IPO11: variants seen among roughly 807,000 people sequenced by gnomAD.
IPO11 encodes the protein importin-11.
Under a neutral mutation model 143.2 loss-of-function variants are expected in IPO11, and 66 were observed. That is an observed-to-expected ratio of 0.46 (90% CI 0.38 to 0.57). The LOEUF is 0.57. Ranked by LOEUF, IPO11 falls within the 20% of genes least tolerant of loss-of-function variation. The probability of loss-of-function intolerance (pLI) is 0.00; values close to 1 mark genes in which losing one functional copy is unlikely to be tolerated. For synonymous variants in IPO11, 385 were observed against 377.8 expected (o/e 1.02, Z -0.22); for missense variants, 1,026 against 1,141.0 (o/e 0.90, Z 1.45).
At chr5:62,613,702 T>C (rs1213953869) in intron 29 of IPO11, among the ~76,000 whole-genome samples, 1 of 152,116 alleles carries the variant, frequency 6.6e-6, no homozygotes, top group Non-Finnish European at 1.5e-5. Flanking sequence ...GCTGATAGTT[T>C]ATGATTTCCC....
At chr5:62,479,043 T>C (rs1746077832) in intron 9 of IPO11, among the ~76,000 whole-genome samples, 1 of 152,164 alleles carries the variant, frequency 6.6e-6, no homozygotes, top group South Asian at 2.1e-4. Flanking sequence ...CCAATTAACT[T>C]GTTATTTGCA....
chr5:62,449,929 C>G lies in IPO11; in HGVS notation c.242C>G (p.Ala81Gly), dbSNP rs371179319. ...DRYWRRVAPHALSEEEKTTLR... is the reference protein window; with the variant it reads ...DRYWRRVAPHGLSEEEKTTLR... ...TCAATACTTTTTTTTTTTTACAGTG[C>G]TCTCTCAGAGGAGGAGAAAACTACT... Residue 81 changes from alanine (A) to glycine (G), a missense_variant and splice_region_variant, in exon 4 of 30, where the codon GCT becomes GGT. Transcript: ENST00000325324. The G allele has an allele frequency of 1.3e-6, 2 of 1,550,848 alleles. No individual in the cohort carries two copies. Among genetic ancestry groups the G allele is most frequent in the Admixed American group, 2.0e-5 (1 of 50,732 alleles).
At chr5:62,477,556 C>T (rs947535246) in intron 9 of IPO11, among the ~76,000 whole-genome samples, 2 of 152,058 alleles carry the variant, frequency 1.3e-5, no homozygotes, top group African/African-American at 4.8e-5. Flanking sequence ...ACCTAATCTT[C>T]CAAGATACAT....
rs1580256037 is a variant in IPO11, at chr5:62,503,350, ATTAATATATTAATAGTAT to A, written c.1591-1316_1591-1299del. On this transcript the variant is annotated intron_variant, in intron 16 of 29. Transcript: ENST00000325324. ...ATCTACTAATATATTAATAGTATCT[ATTAATATATTAATAGTAT>A]CTACTAATATATTAATAGTATCTAT... is the stretch of plus-strand genomic sequence containing the variant. Among the ~76,000 whole-genome samples the A allele has an allele frequency of 6.3e-4, 83 of 131,884 alleles. 1 individual carries two copies. The highest frequency in any genetic ancestry group is 2.7e-3 in the East Asian group (11 of 4,054). 86.5% of individuals were successfully genotyped at this position (131,884 alleles called of 152,430 possible).
intron 19 of IPO11, among the ~76,000 whole-genome samples, chr5:62,511,058 A>G (rs565371287): frequency 9.2e-5 from 14 of 152,082 alleles, no homozygotes; most frequent in Non-Finnish European, 1.5e-4. Context: ...TTGAAATACT[A>G]TTTTTATAGC....
intron 28 of IPO11, among the ~76,000 whole-genome samples, chr5:62,598,973 C>T (rs1227079785): frequency 1.3e-5 from 2 of 152,072 alleles, no homozygotes; most frequent in Non-Finnish European, 2.9e-5. Context: ...GTGGTTTGCC[C>T]TAACATAGAA....
intron 3 of IPO11, among the ~76,000 whole-genome samples, chr5:62,449,312 G>T (rs776677486): frequency 1.3e-5 from 2 of 152,046 alleles, no homozygotes; most frequent in Non-Finnish European, 2.9e-5. Flanking sequence ...TTTCTCATAC[G>T]CAGTCAAAAT....
intron 7 of IPO11, among the ~76,000 whole-genome samples, chr5:62,471,846 A>G (rs1745781593): frequency 6.6e-6 from 1 of 152,188 alleles, no homozygotes; most frequent in South Asian, 2.1e-4. Flanking sequence ...CATTTTTGAT[A>G]AAAGATATGG....
intron 19 of IPO11, among the ~76,000 whole-genome samples, chr5:62,513,693 C>A (rs1199766992): frequency 6.8e-6 from 1 of 147,878 alleles, no homozygotes; most frequent in African/African-American, 2.5e-5. Flanking sequence ...GGGGGCTGAG[C>A]CCCCCACCCC....
intron 22 of IPO11, among the ~76,000 whole-genome samples, chr5:62,535,748 A>C (rs1742712917): frequency 6.6e-6 from 1 of 152,158 alleles, no homozygotes; most frequent in East Asian, 1.9e-4. Context: ...CTTTTTATTA[A>C]GATATGATAG....
At chr5:62,498,565 C>CT (rs1197487892) in intron 16 of IPO11, among the ~76,000 whole-genome samples, 3 of 152,284 alleles carry the variant, frequency 2.0e-5, no homozygotes, top group African/African-American at 7.2e-5. Context: ...CTAATTATAT[C>CT]TTTAAGTTTC....
intron 27 of IPO11, chr5:62,578,812 T>C: frequency 2.5e-6 from 1 of 395,668 alleles, no homozygotes. Context: ...AAAAAAAAAG[T>C]GGTGGGGTGG....
intron 22 of IPO11, among the ~76,000 whole-genome samples, chr5:62,535,267 G>A (rs1301676525): frequency 6.6e-6 from 1 of 151,584 alleles, no homozygotes; most frequent in East Asian, 1.9e-4. Flanking sequence ...ATTATACTTG[G>A]CAATGATTTC....
chr5:62,591,720 A>T, intron 28 of IPO11, 48 bp downstream of exon 28: 3 of 1,216,288 alleles, frequency 2.5e-6, no homozygotes, highest in Non-Finnish European at 3.5e-6. Context: ...GGGATAATTA[A>T]ATACATGCTG....
chr5:62,567,703 C>G (rs1744003277), intron 27 of IPO11, among the ~76,000 whole-genome samples: 1 of 151,244 alleles, frequency 6.6e-6, no homozygotes, highest in Non-Finnish European at 1.5e-5. Flanking sequence ...GCTGGGATTA[C>G]AGGGATGCAC....
intron 2 of IPO11, among the ~76,000 whole-genome samples, chr5:62,440,670 A>T (rs1226168818): frequency 6.7e-6 from 1 of 150,120 alleles, no homozygotes; most frequent in Non-Finnish European, 1.5e-5. Flanking sequence ...ATTCCTTTTT[A>T]AAAAATACTT....
intron 28 of IPO11, among the ~76,000 whole-genome samples, chr5:62,593,396 C>G (rs959229603): frequency 6.6e-6 from 1 of 152,138 alleles, no homozygotes; most frequent in East Asian, 1.9e-4. Flanking sequence ...TGCCTGTAAT[C>G]CCAGCACTTT....
At chr5:62,495,892 G>T (rs1439931803) in intron 16 of IPO11, among the ~76,000 whole-genome samples, 1 of 152,202 alleles carries the variant, frequency 6.6e-6, no homozygotes, top group African/African-American at 2.4e-5. Flanking sequence ...ATATCAACAA[G>T]TGTAACTGGA....
chr5:62,522,696 G>A (rs1742243227), intron 20 of IPO11, among the ~76,000 whole-genome samples: 1 of 152,192 alleles, frequency 6.6e-6, no homozygotes, highest in South Asian at 2.1e-4. Flanking sequence ...TCTCCTACCT[G>A]TTACATGCTG....
Sources: gnomAD v4.1 joint callset for allele counts (sites outside exome capture counted in the v4.1 genomes callset) on GRCh38, gnomAD v4.1.1 for gene constraint, MANE v1.5 for transcripts, NCBI Gene and HGNC (gene_info 2026-07-23, HGNC 2026-07-21) for gene names.